Variants in GALNT13 observed in about 807,000 individuals in gnomAD.
GALNT13 encodes polypeptide N-acetylgalactosaminyltransferase 13.
A neutral mutation model predicts 64.2 loss-of-function variants in GALNT13; 28 were observed. The observed-to-expected ratio is 0.44, with a 90% confidence interval of 0.32 to 0.60. The LOEUF is 0.60. Ranked by LOEUF, GALNT13 falls within the 20% of genes least tolerant of loss-of-function variation. The probability of loss-of-function intolerance (pLI) is 0.05; values close to 1 mark genes in which losing one functional copy is unlikely to be tolerated. For synonymous variants in GALNT13, 214 were observed against 224.6 expected (o/e 0.95, Z 0.42); for missense variants, 577 against 669.8 (o/e 0.86, Z 1.53).
intron 4 of GALNT13, among the ~76,000 whole-genome samples, chr2:154,167,579 A>C (rs916487163): frequency 7.2e-5 from 11 of 152,220 alleles, no homozygotes; most frequent in African/African-American, 2.6e-4. Context: ...TTTCCTTTCC[A>C]TTCTCCTTTT....
the GALNT13 span, among the ~76,000 whole-genome samples, chr2:153,258,127 G>A: frequency 1.5e-4 from 23 of 152,136 alleles, no homozygotes; most frequent in Non-Finnish European, 5.9e-5. Flanking sequence ...ATGGAACAGA[G>A]TTTCATCAAA....
At chr2:154,105,052 G>T (rs1327313898) in intron 3 of GALNT13, among the ~76,000 whole-genome samples, 1 of 152,138 alleles carries the variant, frequency 6.6e-6, no homozygotes, top group Non-Finnish European at 1.5e-5. Flanking sequence ...AGGGGCCAAA[G>T]AATTACTTCC....
At chr2:153,526,625 C>T in the GALNT13 span, among the ~76,000 whole-genome samples, 1 of 152,086 alleles carries the variant, frequency 6.6e-6, no homozygotes, top group African/African-American at 2.4e-5. Flanking sequence ...AACACCTAAC[C>T]CTTCATTGCC....
At chr2:153,110,152 A>G in the GALNT13 span, among the ~76,000 whole-genome samples, 893 of 152,246 alleles carry the variant, frequency 5.9e-3, 7 homozygotes, top group African/African-American at 0.02. Context: ...CATTCCATAA[A>G]TTCTATCAGT....
chr2:154,167,155 A>G (rs994021377), intron 4 of GALNT13, among the ~76,000 whole-genome samples: 6 of 152,168 alleles, frequency 3.9e-5, no homozygotes, highest in African/African-American at 1.2e-4. Flanking sequence ...ATTAAAAAGA[A>G]AAATAAATAA....
the GALNT13 span, among the ~76,000 whole-genome samples, chr2:153,176,455 G>C: frequency 2.0e-5 from 3 of 151,926 alleles, no homozygotes; most frequent in Admixed American, 6.6e-5. Context: ...AGAATAAAAA[G>C]GTAGAAAAAT....
At chr2:153,339,624 C>T in the GALNT13 span, among the ~76,000 whole-genome samples, 1 of 152,002 alleles carries the variant, frequency 6.6e-6, no homozygotes, top group Non-Finnish European at 1.5e-5. Context: ...TTAATGCAAT[C>T]CATTTGTTTA....
intron 9 of GALNT13, among the ~76,000 whole-genome samples, chr2:154,314,505 G>A (rs1467167944): frequency 6.6e-6 from 1 of 152,090 alleles, no homozygotes; most frequent in African/African-American, 2.4e-5. Flanking sequence ...AAGAAAAAAG[G>A]TTTATTTGGC....
chr2:153,542,642 C>T, the GALNT13 span, among the ~76,000 whole-genome samples: 1 of 152,132 alleles, frequency 6.6e-6, no homozygotes, highest in African/African-American at 2.4e-5. Flanking sequence ...ACCCAACTAG[C>T]TATTGAGGGT....
At chr2:154,221,248 C>T (rs563072247) in intron 4 of GALNT13, among the ~76,000 whole-genome samples, 40 of 151,888 alleles carry the variant, frequency 2.6e-4, no homozygotes, top group African/African-American at 8.4e-4. Context: ...CCTTATCATA[C>T]GAATAATTAT....
the GALNT13 span, among the ~76,000 whole-genome samples, chr2:153,389,736 T>G: frequency 1.3e-5 from 2 of 152,120 alleles, no homozygotes; most frequent in African/African-American, 2.4e-5. Flanking sequence ...CAGTGGCACC[T>G]GGTGGAGGGT....
chr2:153,071,267 C>T, the GALNT13 span, among the ~76,000 whole-genome samples: 3 of 152,118 alleles, frequency 2.0e-5, no homozygotes, highest in African/African-American at 7.2e-5. Context: ...AAACAGGTAG[C>T]CTTCTCTGCA....
At chr2:154,333,990 G>A (rs1176569679) in intron 9 of GALNT13, among the ~76,000 whole-genome samples, 1 of 152,032 alleles carries the variant, frequency 6.6e-6, no homozygotes, top group Non-Finnish European at 1.5e-5. Context: ...TTCACAGACA[G>A]CTGAGTTCAT....
At chr2:153,825,262 G>T in the GALNT13 span, among the ~76,000 whole-genome samples, 1 of 152,104 alleles carries the variant, frequency 6.6e-6, no homozygotes, top group Non-Finnish European at 1.5e-5. Context: ...ATAATTATAT[G>T]ACCCAAAATG....
the GALNT13 span, among the ~76,000 whole-genome samples, chr2:153,415,204 T>A: frequency 2.8e-4 from 43 of 152,278 alleles, no homozygotes; most frequent in East Asian, 8.1e-3. Flanking sequence ...CATATAGTCT[T>A]GTATGTTGAC....
intron 3 of GALNT13, among the ~76,000 whole-genome samples, chr2:154,046,617 C>A (rs1240341326): frequency 1.3e-5 from 2 of 152,130 alleles, no homozygotes; most frequent in Non-Finnish European, 2.9e-5. Flanking sequence ...TTTCATGAAG[C>A]CCCAAAGCAT....
the GALNT13 span, among the ~76,000 whole-genome samples, chr2:153,262,552 A>G: frequency 2.6e-5 from 4 of 152,318 alleles, no homozygotes; most frequent in Non-Finnish European, 5.9e-5. Context: ...ATCCTCAATA[A>G]AATACTGGCA....
chr2:153,433,922 G>A, the GALNT13 span, among the ~76,000 whole-genome samples: 1 of 151,900 alleles, frequency 6.6e-6, no homozygotes, highest in Non-Finnish European at 1.5e-5. Flanking sequence ...TTGGTGTGCT[G>A]CACCCATTAA....
At chr2:154,423,096 T>C (rs1700325752) in intron 11 of GALNT13, among the ~76,000 whole-genome samples, 1 of 127,092 alleles carries the variant, frequency 7.9e-6, no homozygotes, top group Non-Finnish European at 1.6e-5. Context: ...TGGTGTGTGA[T>C]GTTCCCTGCC....
Sources: gnomAD v4.1 joint callset for allele counts (sites outside exome capture counted in the v4.1 genomes callset) on GRCh38, gnomAD v4.1.1 for gene constraint, MANE v1.5 for transcripts, NCBI Gene and HGNC (gene_info 2026-07-23, HGNC 2026-07-21) for gene names.